The following SCARF2 variants were observed in gnomAD, a reference collection of about 807,000 sequenced individuals.
SCARF2 encodes the protein scavenger receptor class F member 2.
A neutral mutation model predicts 73.4 loss-of-function variants in SCARF2; 39 were observed. The ratio of observed to expected loss-of-function variants is 0.53; its 90% CI spans 0.41 to 0.69. The LOEUF (loss-of-function observed/expected upper bound fraction) is 0.69. Ranked by LOEUF, SCARF2 falls within the 30% of genes least tolerant of loss-of-function variation. The pLI is 0.00. For synonymous variants in SCARF2, 605 were observed against 590.0 expected (o/e 1.03, Z -0.37); for missense variants, 1,148 against 1,303.5 (o/e 0.88, Z 1.84).
At position 20,429,873 on chromosome 22, in the gene SCARF2, C is replaced by T; in HGVS notation, c.1203-40G>A. 1 of 1,592,732 alleles carries T rather than the reference C, an allele frequency of 6.3e-7. No homozygotes were observed. Among genetic ancestry groups the T allele is most frequent in the Non-Finnish European group, 8.6e-7 (1 of 1,169,066 alleles). On this transcript the variant is annotated intron_variant, in intron 6 of 10. Coordinates refer to ENST00000622235, the MANE Select transcript of SCARF2 (RefSeq NM_182895.5). This position sits in a 1 kb window ranked among gnomAD's most constrained non-coding sequence, Gnocchi z 5.2. ...GGTCAAGGCATGCCACAGCCGCCCC[C>T]CTAGGATGCCCCCTACCCTCACCCC...
In SCARF2 at chr22:20,425,568, G is replaced by T; in HGVS notation, c.2408C>A (p.Ala803Asp). Residue 803 changes from alanine to aspartate, a missense_variant, in exon 11 of 11, where the codon GCC becomes GAC. Around this residue, in one of 5 missense-constraint regions of SCARF2, gnomAD observed 169 missense variants for 136.9 expected, o/e 1.23. Transcript: ENST00000622235. This position sits in a 1 kb window ranked among gnomAD's most constrained non-coding sequence, Gnocchi z 4.6. ...CGAGGCTGGCGGCACGGAGCGCTTG[G>T]CTTTCTGTGGGGGCGCCGGCTTTTC... ...PREKPAPPQKAKRSVPPASPA... is the reference protein window; with the variant it reads ...PREKPAPPQKDKRSVPPASPA... The T allele has an allele frequency of 1.5e-6, 2 of 1,342,820 alleles. No individual in the cohort carries two copies. Among genetic ancestry groups the T allele is most frequent in the Non-Finnish European group, 1.9e-6 (2 of 1,051,450 alleles). The allele number at this position is 1,342,820 out of a possible 1,614,324, so 83.2% of individuals were successfully genotyped here.
In SCARF2 at chr22:20,425,414, C is replaced by A. The variant is rs773092954; in HGVS notation, c.2562G>T (p.Ala854=). 2 of 1,429,684 alleles carry A rather than the reference C, an allele frequency of 1.4e-6. No homozygotes were observed. The highest frequency in any genetic ancestry group is 1.8e-6 in the Non-Finnish European group (2 of 1,089,270). The allele number at this position is 1,429,684 out of a possible 1,614,324, so 88.6% of individuals were successfully genotyped here. ...QKPPRKKSRE[A]AGELGRAGAP... is the part of the protein sequence containing the mutation. ...CGCCCGCCCTGCCCAGCTCGCCCGCCGCCTCCCGGCTCTTCTTGCGCGGCG... is the reference window on the plus strand; with the variant it reads ...CGCCCGCCCTGCCCAGCTCGCCCGCAGCCTCCCGGCTCTTCTTGCGCGGCG... Residue 854 remains alanine (A), a synonymous_variant, in exon 11 of 11, where the codon GCG becomes GCT. Coordinates refer to ENST00000622235, the MANE Select transcript of SCARF2 (RefSeq NM_182895.5). This position sits in a 1 kb window ranked among gnomAD's most constrained non-coding sequence, Gnocchi z 4.6.
rs1480278281 is a variant in SCARF2 at position 20,430,866 on chromosome 22, C to T, written c.897G>A (p.Glu299=). ...CKGQQPCTVA[E]GRCLTCEPGW... ...CGGGCTCGCACGTCAAGCAGCGGCC[C>T]TCGGCCACCGTGCACGGCTGCTGGC... The change falls in exon 5 of 11, where the codon GAG becomes GAA. Residue 299 remains glutamate, a synonymous_variant. Coordinates refer to ENST00000622235, the MANE Select transcript of SCARF2 (RefSeq NM_182895.5). 3.1e-6 allele frequency: 5 copies of T among 1,605,302 alleles called. No homozygotes were observed. In the African/African-American group the frequency reaches 4.0e-5, roughly 13 times the overall value.
At chr22:20,436,308 G>A (rs979645592) in intron 1 of SCARF2, among the ~76,000 whole-genome samples, 7 of 152,178 alleles carry the variant, frequency 4.6e-5, no homozygotes, top group Admixed American at 2.6e-4. Flanking sequence ...TCCTGGTCCC[G>A]GGCCTGTCTG....
Position 20,426,298 on chromosome 22 carries a change from C to T in SCARF2, c.1694-16G>A. Reference sequence around the variant, plus strand: ...GCTGGTGCCTCTGGCAAGGGAAGAGCAGGGCGGTCACAGCCTTCAGGAATA... The same window carrying T: ...GCTGGTGCCTCTGGCAAGGGAAGAGTAGGGCGGTCACAGCCTTCAGGAATA... On this transcript the variant is annotated splice_polypyrimidine_tract_variant and intron_variant, in intron 10 of 10. Transcript: ENST00000622235. 1 of 1,532,596 alleles carries T rather than the reference C, an allele frequency of 6.5e-7. No homozygotes were observed. The highest frequency in any genetic ancestry group is 8.7e-7 in the Non-Finnish European group (1 of 1,146,178). 94.9% of individuals were successfully genotyped at this position (1,532,596 alleles called of 1,614,324 possible).
In SCARF2 at chr22:20,429,898, C is replaced by G; in HGVS notation, c.1203-65G>C. 1 of 1,510,810 alleles carries G rather than the reference C, an allele frequency of 6.6e-7. No homozygotes were observed. Among genetic ancestry groups the G allele is most frequent in the Non-Finnish European group, 9.0e-7 (1 of 1,110,258 alleles). The allele number at this position is 1,510,810 out of a possible 1,614,324, so 93.6% of individuals were successfully genotyped here. On this transcript the variant is annotated intron_variant, in intron 6 of 10. Coordinates refer to ENST00000622235, the MANE Select transcript of SCARF2 (RefSeq NM_182895.5). This position sits in a 1 kb window ranked among gnomAD's most constrained non-coding sequence, Gnocchi z 5.2. ...CCTAGGATGCCCCCTACCCTCACCC[C>G]TCACCCGCGGCCAGGGCCCAGGGTC...
chr22:20,425,336 C>G lies in SCARF2; in HGVS notation c.*39G>C. The G allele has an allele frequency of 7.4e-7, 1 of 1,345,192 alleles. No homozygotes were observed. Among genetic ancestry groups the G allele is most frequent in the East Asian group, 3.1e-5 (1 of 32,394 alleles). 83.3% of individuals were successfully genotyped at this position (1,345,192 alleles called of 1,614,324 possible). ...AGGTGTGGGGTGGCGGGCGGCGCTGCGAAGCTGAGGGAGCTGCGCGCGGAC... is the reference window on the plus strand; with the variant it reads ...AGGTGTGGGGTGGCGGGCGGCGCTGGGAAGCTGAGGGAGCTGCGCGCGGAC... On this transcript the variant is annotated 3_prime_UTR_variant, in exon 11 of 11. Coordinates refer to ENST00000622235, the MANE Select transcript of SCARF2 (RefSeq NM_182895.5). The surrounding 1 kb of genome is among the most constrained non-coding windows in gnomAD (Gnocchi z 4.6).
chr22:20,425,073 C>T lies in SCARF2; in HGVS notation c.*302G>A, dbSNP rs2052556240. Reference sequence around the variant, plus strand: ...AGTAAGAGGCGGTCTTTAAGCGGAACCCTCCCATCTTTGGCCAATGAGACG... The same window carrying T: ...AGTAAGAGGCGGTCTTTAAGCGGAATCCTCCCATCTTTGGCCAATGAGACG... On this transcript the variant is annotated 3_prime_UTR_variant, in exon 11 of 11. Transcript: ENST00000622235. The surrounding 1 kb of genome is among the most constrained non-coding windows in gnomAD (Gnocchi z 4.6). 2.9e-6 allele frequency: 1 copy of T among 350,010 alleles called. No individual in the cohort carries two copies. The highest frequency in any genetic ancestry group is 2.1e-5 in the African/African-American group (1 of 47,548). 21.7% of individuals were successfully genotyped at this position (350,010 alleles called of 1,614,324 possible).
Position 20,430,478 on chromosome 22 carries a change from C to A in SCARF2, c.1153G>T (p.Asp385Tyr). Residue 385 changes from aspartate (D) to tyrosine (Y), a missense_variant, in exon 6 of 11, where the codon GAC (aspartate) becomes TAC (tyrosine). By Grantham distance (160) the Asp-to-Tyr change is radical. This residue lies in a region of SCARF2 where 372 missense variants were observed against 532.0 expected (regional missense o/e 0.70). Transcript: ENST00000622235. ...CACAGGCAGCGCCCCGACTGGAAGT[C>A]GCAGTGTCCGCTGCCGCAGTCGGCG... ...VCADCGSGHC[D>Y]FQSGRCLCSP... The A allele has an allele frequency of 6.3e-7, 1 of 1,596,254 alleles. No homozygotes were observed. The highest frequency in any genetic ancestry group is 1.7e-5 in the Admixed American group (1 of 57,462).
In SCARF2 at chr22:20,430,761, G is replaced by A; in HGVS notation, c.1002C>T (p.Cys334=). 6.2e-7 allele frequency: 1 copy of A among 1,607,026 alleles called. No homozygotes were observed. The highest frequency in any genetic ancestry group is 8.5e-7 in the Non-Finnish European group (1 of 1,177,516). The change falls in exon 5 of 11, where the codon TGC becomes TGT. Residue 334 remains cysteine (C), a synonymous_variant. Coordinates refer to ENST00000622235, the MANE Select transcript of SCARF2 (RefSeq NM_182895.5). ...GEGCSHRCPP[C]RDGHACNHVT... is the part of the protein sequence containing the mutation. ...CATGGTTACAGGCATGCCCGTCGCG[G>A]CATGGCGGACAGCGGTGGCTGCAGC...
chr22:20,437,330 C>G (rs2052711485), intron 1 of SCARF2, among the ~76,000 whole-genome samples: 2 of 152,254 alleles, frequency 1.3e-5, no homozygotes, highest in Admixed American at 6.5e-5. Flanking sequence ...CCGGACAACG[C>G]GTGTCATCCC....
Position 20,429,346 on chromosome 22 carries a change from G to A in SCARF2, c.1425-6C>T. On this transcript the variant is annotated splice_polypyrimidine_tract_variant and splice_region_variant and intron_variant, in intron 8 of 10. Transcript: ENST00000622235. This position sits in a 1 kb window ranked among gnomAD's most constrained non-coding sequence, Gnocchi z 5.2. ...TCCTCCCAAGCGAAAGCTCCCTGCG[G>A]GGGCGGGGTCTGAGCGGAGGGGCGG... is the stretch of plus-strand genomic sequence containing the variant. The A allele has an allele frequency of 6.2e-7, 1 of 1,608,950 alleles. No homozygotes were observed. The highest frequency in any genetic ancestry group is 8.5e-7 in the Non-Finnish European group (1 of 1,177,964).
Position 20,429,141 on chromosome 22 carries a change from A to G in SCARF2, c.1540+84T>C. Reference sequence around the variant, plus strand: ...CAAGGTCCCCCATTTCCTCACTGAGATCTGGACCCCCTCACACCCATTTCC... The same window carrying G: ...CAAGGTCCCCCATTTCCTCACTGAGGTCTGGACCCCCTCACACCCATTTCC... On this transcript the variant is annotated intron_variant, in intron 9 of 10. Transcript: ENST00000622235. This position sits in a 1 kb window ranked among gnomAD's most constrained non-coding sequence, Gnocchi z 5.2. 1 of 1,564,138 alleles carries G rather than the reference A, an allele frequency of 6.4e-7. No individual in the cohort carries two copies. The highest frequency in any genetic ancestry group is 8.8e-7 in the Non-Finnish European group (1 of 1,136,292).
At chr22:20,432,821 A>G (rs947905857) in intron 1 of SCARF2, among the ~76,000 whole-genome samples, 2 of 152,164 alleles carry the variant, frequency 1.3e-5, no homozygotes, top group African/African-American at 4.8e-5. Flanking sequence ...GGTTCAAGCA[A>G]TTCTCCTGCC....
chr22:20,432,135 A>C, intron 1 of SCARF2, 147 bp from the exon 2 acceptor site: 1 of 847,270 alleles, frequency 1.2e-6, no homozygotes, highest in South Asian at 1.4e-5. Context: ...CCTGCCAGGC[A>C]GTCGTCTGGC....
chr22:20,434,349 AAG>A (rs1253050610), intron 1 of SCARF2, among the ~76,000 whole-genome samples: 2 of 152,262 alleles, frequency 1.3e-5, no homozygotes, highest in East Asian at 3.9e-4. Flanking sequence ...GACAGAGAGA[AAG>A]AGAGCGCGCG....
Position 20,425,515 on chromosome 22 carries a change from T to C in SCARF2, c.2461A>G (p.Thr821Ala). ...SPARAPPATETPGPEKAATDL... is the reference protein window; with the variant it reads ...SPARAPPATEAPGPEKAATDL... The stretch of plus-strand genomic sequence containing the variant: ...GTCGCCGCCTTCTCAGGCCCCGGGG[T>C]TTCGGTCGCTGGGGGCGCGCGGGCG... Residue 821 changes from threonine (T) to alanine (A), a missense_variant, in exon 11 of 11, where the codon ACC (threonine) becomes GCC (alanine). Around this residue, in one of 5 missense-constraint regions of SCARF2, gnomAD observed 169 missense variants for 136.9 expected, o/e 1.23. Transcript: ENST00000622235. This position sits in a 1 kb window ranked among gnomAD's most constrained non-coding sequence, Gnocchi z 4.6. 4 of 1,351,144 alleles carry C rather than the reference T, an allele frequency of 3.0e-6. No homozygotes were observed. The highest frequency in any genetic ancestry group is 3.8e-6 in the Non-Finnish European group (4 of 1,053,986). The allele number at this position is 1,351,144 out of a possible 1,614,324, so 83.7% of individuals were successfully genotyped here. A position where few individuals can be genotyped will look rare whatever the true frequency, so the allele number is the denominator to read the frequency against.
chr22:20,432,132 G>A (rs2052656958), intron 1 of SCARF2, 144 bp from the exon 2 acceptor site: 1 of 861,476 alleles, frequency 1.2e-6, no homozygotes, highest in Admixed American at 2.0e-5. Context: ...GGTCCTGCCA[G>A]GCAGTCGTCT....
At chr22:20,432,036 C>T in intron 1 of SCARF2, 48 bp from the exon 2 acceptor site, 1 of 1,566,548 alleles carries the variant, frequency 6.4e-7, no homozygotes, top group South Asian at 1.2e-5. Flanking sequence ...TCCCCCAGCC[C>T]CCATCTGCTC....
Sources: allele counts gnomAD v4.1 joint callset (sites outside exome capture counted in the v4.1 genomes callset), GRCh38; gene constraint gnomAD v4.1.1; regional missense constraint gnomAD v4.1.1; non-coding constraint Gnocchi (gnomAD v3.1); transcripts MANE v1.5; gene names NCBI Gene and HGNC (gene_info 2026-07-23, HGNC 2026-07-21).